Variants in TMTC2 observed in about 807,000 individuals in gnomAD.
TMTC2 encodes protein O-mannosyl-transferase TMTC2.
In TMTC2, 43 loss-of-function variants were observed where a neutral mutation model predicts 82.4. The observed-to-expected ratio is 0.52, with a 90% CI of 0.41 to 0.67. The LOEUF (loss-of-function observed/expected upper bound fraction) is 0.67, where lower values mean the gene tolerates loss of function less well. Ranked by LOEUF, TMTC2 falls within the 30% of genes least tolerant of loss-of-function variation. The pLI is 0.00. For synonymous variants in TMTC2, 408 were observed against 381.9 expected (o/e 1.07, Z -0.80); for missense variants, 919 against 1,012.4 (o/e 0.91, Z 1.25).
intron 1 of TMTC2, among the ~76,000 whole-genome samples, chr12:82,806,811 G>A (rs1358162145): frequency 6.6e-6 from 1 of 152,104 alleles, no homozygotes. Context: ...GAAGAAGAGG[G>A]GGGTTGGTCT....
chr12:82,973,562 AAG>A (rs1367103289), intron 7 of TMTC2, among the ~76,000 whole-genome samples: 4 of 152,206 alleles, frequency 2.6e-5, no homozygotes, highest in Admixed American at 6.5e-5. Flanking sequence ...TCTCTTAAAA[AAG>A]TGCAGTTTTT....
At chr12:82,888,665 A>G (rs527536134) in intron 2 of TMTC2, among the ~76,000 whole-genome samples, 2 of 152,342 alleles carry the variant, frequency 1.3e-5, no homozygotes, top group Non-Finnish European at 2.9e-5. Flanking sequence ...AGAGAAAGAT[A>G]GAAACTGACT....
At chr12:82,820,038 T>C (rs1476263852) in intron 1 of TMTC2, among the ~76,000 whole-genome samples, 1 of 151,686 alleles carries the variant, frequency 6.6e-6, no homozygotes, top group African/African-American at 2.4e-5. Flanking sequence ...GGTCCAAGAG[T>C]CCCAAAGCTG....
rs952608127 is a variant in TMTC2, at chr12:83,132,300, C to G, written c.2422C>G (p.Leu808Val). The G allele has an allele frequency of 2.5e-6, 4 of 1,614,072 alleles. No individual in the cohort carries two copies. Among genetic ancestry groups the G allele is most frequent in the Non-Finnish European group, 3.4e-6 (4 of 1,179,984 alleles). ...GGCCAACTACCTGCGGGCCCTGCAG[C>G]TCAAGCCAGACGATGTCATCACACA... Reference protein sequence around the residue: ...AEANYLRALQLKPDDVITQSN... With the variant: ...AEANYLRALQVKPDDVITQSN... The change falls in exon 12 of 12, where the codon CTC (leucine) becomes GTC (valine). Residue 808 changes from leucine to valine, a missense_variant. By Grantham distance (32) the Leu-to-Val change is conservative. Transcript: ENST00000321196.
chr12:82,878,513 G>T (rs1411352909), intron 2 of TMTC2, among the ~76,000 whole-genome samples: 1 of 152,138 alleles, frequency 6.6e-6, no homozygotes, highest in African/African-American at 2.4e-5. Context: ...GACAATAATG[G>T]GTGGATGGAT....
At chr12:82,822,434 A>G (rs1869168608) in intron 1 of TMTC2, among the ~76,000 whole-genome samples, 1 of 152,180 alleles carries the variant, frequency 6.6e-6, no homozygotes, top group African/African-American at 2.4e-5. Context: ...CTTTCTGCTG[A>G]GTTTTGCTGT....
chr12:82,917,824 G>C (rs557252698), intron 3 of TMTC2, among the ~76,000 whole-genome samples: 1 of 152,080 alleles, frequency 6.6e-6, no homozygotes, highest in South Asian at 2.1e-4. Flanking sequence ...GGATGGTCTT[G>C]ATCTCCTGAC....
intron 8 of TMTC2, among the ~76,000 whole-genome samples, chr12:83,020,228 C>A (rs1880854971): frequency 6.6e-6 from 1 of 152,090 alleles, no homozygotes; most frequent in South Asian, 2.1e-4. Flanking sequence ...GTGTGTGCTC[C>A]AAATCACCAT....
At chr12:82,693,424 T>C (rs996582284) in intron 1 of TMTC2, among the ~76,000 whole-genome samples, 4 of 152,200 alleles carry the variant, frequency 2.6e-5, no homozygotes, top group African/African-American at 9.7e-5. Context: ...CTTCCAAATG[T>C]CTCTTTCCTA....
chr12:83,046,237 G>C (rs1882122304), intron 9 of TMTC2, among the ~76,000 whole-genome samples: 1 of 152,154 alleles, frequency 6.6e-6, no homozygotes, highest in Admixed American at 6.6e-5. Flanking sequence ...CAGCCTGCTA[G>C]CTAATCCCAG....
intron 1 of TMTC2, among the ~76,000 whole-genome samples, chr12:82,749,217 T>C (rs571093439): frequency 1.3e-5 from 2 of 152,364 alleles, no homozygotes; most frequent in Admixed American, 1.3e-4. Flanking sequence ...TTCTCTGTTT[T>C]TATAACCTTC....
intron 1 of TMTC2, among the ~76,000 whole-genome samples, chr12:82,760,591 C>T (rs1375020656): frequency 6.6e-6 from 1 of 151,714 alleles, no homozygotes; most frequent in Non-Finnish European, 1.5e-5. Flanking sequence ...GTCCCTAACC[C>T]CCAGGTCATG....
rs116642506 is a variant in TMTC2, at chr12:82,963,384, T to G, written c.1599-1640T>G. Among the ~76,000 whole-genome samples, 343 of 151,922 alleles carry G rather than the reference T, an allele frequency of 2.3e-3. 2 individuals carry two copies. The highest frequency in any genetic ancestry group is 7.9e-3 in the African/African-American group (327 of 41,460). On this transcript the variant is annotated intron_variant, in intron 4 of 11. Coordinates refer to ENST00000321196, the MANE Select transcript of TMTC2 (RefSeq NM_152588.3). ...TAATTTCTAAAGAAGCTAGAAAAAA[T>G]AGAATTAAATATCTAGATGGTATTT...
intron 1 of TMTC2, among the ~76,000 whole-genome samples, chr12:82,701,315 T>C (rs11115348): frequency 0.16 from 23,672 of 152,136 alleles, 2,083 homozygotes; most frequent in East Asian, 0.36. Context: ...TTTTATGTAC[T>C]GTTTGTTTTA....
chr12:82,876,120 GGTATTAGTA>G (rs1872543446), intron 2 of TMTC2, among the ~76,000 whole-genome samples: 7 of 142,886 alleles, frequency 4.9e-5, no homozygotes, highest in Non-Finnish European at 7.7e-5. Context: ...TGGTGGTGGT[GGTATTAGTA>G]ATGGTGGTGG....
chr12:82,805,208 T>C (rs1434942244), intron 1 of TMTC2, among the ~76,000 whole-genome samples: 1 of 152,052 alleles, frequency 6.6e-6, no homozygotes, highest in African/African-American at 2.4e-5. Context: ...AAGGTAAAAA[T>C]ACCTTCAGAT....
chr12:83,065,590 G>GA (rs1253367992), intron 11 of TMTC2, among the ~76,000 whole-genome samples: 1 of 151,668 alleles, frequency 6.6e-6, no homozygotes, highest in African/African-American at 2.4e-5. Flanking sequence ...TCTATAATAG[G>GA]AAAACTCCTT....
chr12:83,116,523 A>G (rs989212476), intron 11 of TMTC2, among the ~76,000 whole-genome samples: 1 of 152,178 alleles, frequency 6.6e-6, no homozygotes, highest in African/African-American at 2.4e-5. Context: ...ACTGTTTTCC[A>G]TAGTAGTTGT....
chr12:82,788,866 A>G (rs954409763), intron 1 of TMTC2, among the ~76,000 whole-genome samples: 9 of 152,040 alleles, frequency 5.9e-5, no homozygotes, highest in Admixed American at 1.3e-4. Flanking sequence ...TTCTGAATGG[A>G]CTTTTACAGG....
Sources: allele counts gnomAD v4.1 joint callset (sites outside exome capture counted in the v4.1 genomes callset), GRCh38; gene constraint gnomAD v4.1.1; transcripts MANE v1.5; gene names NCBI Gene and HGNC (gene_info 2026-07-23, HGNC 2026-07-21).